UCHL5: variants seen among roughly 807,000 people sequenced by gnomAD.
UCHL5 encodes the protein ubiquitin C-terminal hydrolase L5.
A neutral mutation model predicts 53.8 loss-of-function variants in UCHL5; 34 were observed. The ratio of observed to expected loss-of-function variants is 0.63; its 90% CI spans 0.48 to 0.84. UCHL5 has a LOEUF of 0.84. Ranked by LOEUF, UCHL5 falls within the 40% of genes least tolerant of loss-of-function variation. The probability of loss-of-function intolerance (pLI) is 0.00; values close to 1 mark genes in which losing one functional copy is unlikely to be tolerated. For missense variants in UCHL5, 290 were observed against 385.6 expected (o/e 0.75, Z 2.08); for synonymous variants, 111 against 126.3 (o/e 0.88, Z 0.81).
chr1:193,042,175 T>C (rs898965140), intron 3 of UCHL5, among the ~76,000 whole-genome samples: 1 of 151,790 alleles, frequency 6.6e-6, no homozygotes, highest in Non-Finnish European at 1.5e-5. Flanking sequence ...AGTTAAAATT[T>C]TATTTACAAA....
upstream of UCHL5, chr1:193,059,994 A>G (rs749817963): frequency 7.3e-6 from 10 of 1,365,810 alleles, no homozygotes; most frequent in Non-Finnish European, 9.8e-6. This position sits in a 1 kb window ranked among gnomAD's most constrained non-coding sequence, Gnocchi z 4.9. Context: ...GCCCGGCCGG[A>G]CCATTCCTCA....
intron 3 of UCHL5, among the ~76,000 whole-genome samples, chr1:193,036,316 CCAAAAAAAAAAAAAAAAAA>C (rs1663400698): frequency 1.4e-5 from 1 of 73,524 alleles, no homozygotes; most frequent in African/African-American, 5.3e-5. Context: ...CAACTGGAAA[CCAAAAAAAAAAAAAAAAAA>C]AAAAAAAGAA....
In UCHL5 at chr1:193,029,727, T is replaced by C. The variant is rs576702059; in HGVS notation, c.247-70A>G. ...AAAAATGGTTTTTAACTGGTGACAATGGCCCCAAAACATGAACAGTTTTCA... is the reference window on the plus strand; with the variant it reads ...AAAAATGGTTTTTAACTGGTGACAACGGCCCCAAAACATGAACAGTTTTCA... On this transcript the variant is annotated intron_variant, in intron 3 of 10. Transcript: ENST00000367454. 1.2e-5 allele frequency: 15 copies of C among 1,258,254 alleles called. No homozygotes were observed. In the South Asian group the frequency reaches 1.4e-4, roughly 11 times the overall value. 77.9% of individuals were successfully genotyped at this position (1,258,254 alleles called of 1,614,324 possible).
At chr1:193,017,843 T>C (rs190495278) in intron 10 of UCHL5, among the ~76,000 whole-genome samples, 1 of 151,592 alleles carries the variant, frequency 6.6e-6, no homozygotes, top group East Asian at 1.9e-4. Flanking sequence ...GAAGTAGGTA[T>C]GATTCCCAGT....
At chr1:193,041,277 A>G (rs1665472961) in intron 3 of UCHL5, among the ~76,000 whole-genome samples, 1 of 152,210 alleles carries the variant, frequency 6.6e-6, no homozygotes, top group African/African-American at 2.4e-5. Context: ...CTATGTATCA[A>G]TAAATTTTTT....
At chr1:193,034,800 G>A (rs570394501) in intron 3 of UCHL5, among the ~76,000 whole-genome samples, 18 of 152,070 alleles carry the variant, frequency 1.2e-4, no homozygotes, top group African/African-American at 2.2e-4. Flanking sequence ...AGAAAAATCC[G>A]AACATAATTA....
At chr1:193,043,906 G>A (rs185656718) in intron 3 of UCHL5, among the ~76,000 whole-genome samples, 117 of 152,306 alleles carry the variant, frequency 7.7e-4, no homozygotes, top group African/African-American at 2.5e-3. Flanking sequence ...ACCCCATGTG[G>A]CTCTTCCCTT....
At chr1:193,019,913 A>G (rs1656306162) in intron 10 of UCHL5, 1 of 972,620 alleles carries the variant, frequency 1.0e-6, no homozygotes, top group Non-Finnish European at 1.2e-6. Flanking sequence ...CATATTTAGC[A>G]CATTTTATAG....
intron 1 of UCHL5, among the ~76,000 whole-genome samples, chr1:193,055,922 C>T (rs1190615007): frequency 1.3e-5 from 2 of 152,072 alleles, no homozygotes; most frequent in African/African-American, 4.8e-5. Flanking sequence ...AGCATTCCTT[C>T]CTCTCCAATT....
intron 3 of UCHL5, among the ~76,000 whole-genome samples, chr1:193,048,545 GAA>G (rs1668045435): frequency 6.6e-6 from 1 of 152,174 alleles, no homozygotes; most frequent in African/African-American, 2.4e-5. Context: ...TAACCTTTGA[GAA>G]AGCAATACTT....
At chr1:193,053,234 G>A (rs1287968918) in intron 1 of UCHL5, among the ~76,000 whole-genome samples, 1 of 152,178 alleles carries the variant, frequency 6.6e-6, no homozygotes, top group Non-Finnish European at 1.5e-5. Flanking sequence ...TCAGTGTCAA[G>A]AAGGGCATGG....
In UCHL5 at chr1:193,014,546, ATC is replaced by A. The variant is rs1349107662; in HGVS notation, c.*1803_*1804del. On this transcript the variant is annotated 3_prime_UTR_variant, in exon 11 of 11. Transcript: ENST00000367454. ...TAACCCCCCAAGTCACAAAAATATC[ATC>A]TGTTTTCAGTTAAAAAGCTTCATAC... 5 of 152,094 alleles carry A rather than the reference ATC, an allele frequency of 3.3e-5. No individual in the cohort carries two copies. The South Asian group carries it at 6.2e-4, about 19-fold the overall frequency. The allele number at this position is 152,094 out of a possible 1,614,324, so 9.4% of individuals were successfully genotyped here.
At position 193,029,371 on chromosome 1, in the gene UCHL5, A is replaced by G. The variant is rs759269436; in HGVS notation, c.434+17T>C. 1.9e-6 allele frequency: 3 copies of G among 1,613,636 alleles called. No individual in the cohort carries two copies. In the Admixed American group the frequency reaches 5.0e-5, roughly 27 times the overall value. On this transcript the variant is annotated intron_variant, in intron 5 of 10. Transcript: ENST00000367454. ...CAAAGAAAGAAACAGTATTTATTTA[A>G]CATAAAGTCTCTTTACCTGGCGAAA...
At chr1:193,045,501 T>C (rs771365961) in intron 3 of UCHL5, among the ~76,000 whole-genome samples, 22 of 152,198 alleles carry the variant, frequency 1.4e-4, no homozygotes, top group Non-Finnish European at 2.1e-4. Context: ...AGCTCAGCCA[T>C]GTGAGATGTC....
chr1:193,044,891 T>C (rs1666879785), intron 3 of UCHL5, among the ~76,000 whole-genome samples: 1 of 152,138 alleles, frequency 6.6e-6, no homozygotes, highest in African/African-American at 2.4e-5. Flanking sequence ...AATATGAACG[T>C]TAGCAAAATA....
intron 1 of UCHL5, among the ~76,000 whole-genome samples, chr1:193,053,888 G>T (rs1174826450): frequency 6.6e-6 from 1 of 152,114 alleles, no homozygotes; most frequent in African/African-American, 2.4e-5. Flanking sequence ...ACTTAAAAAT[G>T]TCACAATCTG....
At chr1:193,049,221 C>A (rs1668271819) in intron 3 of UCHL5, among the ~76,000 whole-genome samples, 1 of 152,102 alleles carries the variant, frequency 6.6e-6, no homozygotes. Context: ...TTGAGACCAG[C>A]CTGGCCAACA....
intron 3 of UCHL5, among the ~76,000 whole-genome samples, chr1:193,044,919 T>A (rs1310382922): frequency 6.6e-6 from 1 of 152,126 alleles, no homozygotes; most frequent in Admixed American, 6.6e-5. Context: ...AAAACAATGA[T>A]ATGGGGAATC....
chr1:193,044,073 T>G lies in UCHL5; in HGVS notation c.246+5673A>C, dbSNP rs1666589923. On this transcript the variant is annotated intron_variant, in intron 3 of 10. Transcript: ENST00000367454. ...CCTGCAATGCTGTCAGAGGTGAAGG[T>G]GGTCTTGGTCGAACTCTACAGTTGG... Among the ~76,000 whole-genome samples the G allele has an allele frequency of 3.3e-5, 5 of 152,274 alleles. No homozygotes were observed. In the South Asian group the frequency reaches 8.3e-4, roughly 25 times the overall value.
Sources: gnomAD v4.1 joint callset for allele counts (sites outside exome capture counted in the v4.1 genomes callset) on GRCh38, gnomAD v4.1.1 for gene constraint, Gnocchi (gnomAD v3.1) non-coding constraint, MANE v1.5 for transcripts, NCBI Gene and HGNC (gene_info 2026-07-23, HGNC 2026-07-21) for gene names.